The following LRBA variants were observed in gnomAD, a reference collection of about 807,000 sequenced individuals.
LRBA encodes the protein lipopolysaccharide-responsive and beige-like anchor protein.
Under a neutral mutation model 330.0 loss-of-function variants are expected in LRBA, and 176 were observed. The observed-to-expected ratio is 0.53, with a 90% CI of 0.47 to 0.60. LRBA has a LOEUF of 0.60. Ranked by LOEUF, LRBA falls within the 20% of genes least tolerant of loss-of-function variation. The pLI, the probability that LRBA is intolerant of heterozygous loss-of-function variation, is 0.00. For missense variants in LRBA, 3,259 were observed against 3,444.8 expected (o/e 0.95, Z 1.35); for synonymous variants, 1,230 against 1,193.0 (o/e 1.03, Z -0.64).
At chr4:150,835,932 T>G (rs1370030830) in intron 28 of LRBA, among the ~76,000 whole-genome samples, 3 of 152,196 alleles carry the variant, frequency 2.0e-5, no homozygotes, top group Non-Finnish European at 4.4e-5. Context: ...ATATTGGCTG[T>G]GAGTTTGTCA....
At chr4:150,391,104 T>C (rs115235283) in intron 47 of LRBA, among the ~76,000 whole-genome samples, 236 of 152,262 alleles carry the variant, frequency 1.5e-3, no homozygotes, top group African/African-American at 5.3e-3. Flanking sequence ...TGTGCCCAAC[T>C]TCCTAGTCAC....
At chr4:150,668,561 T>C (rs1411606731) in intron 37 of LRBA, among the ~76,000 whole-genome samples, 1 of 152,208 alleles carries the variant, frequency 6.6e-6, no homozygotes, top group Non-Finnish European at 1.5e-5. Flanking sequence ...TTTCAGTTCA[T>C]TTCTATCATC....
At chr4:150,900,615 T>C (rs1416476892) in intron 13 of LRBA, among the ~76,000 whole-genome samples, 1 of 152,094 alleles carries the variant, frequency 6.6e-6, no homozygotes, top group East Asian at 1.9e-4. Flanking sequence ...AATACAACAT[T>C]TGCAGAAAAT....
Position 150,787,425 on chromosome 4 carries a change from A to C in LRBA, c.5580+10656T>G, listed in dbSNP as rs79247056. ...TATAGAAATATTAATTTAAACATTAAATTTATAACAAAGGATATGATACGT... is the reference window on the plus strand; with the variant it reads ...TATAGAAATATTAATTTAAACATTACATTTATAACAAAGGATATGATACGT... On this transcript the variant is annotated intron_variant, in intron 34 of 56. Transcript: ENST00000651943. 7.7e-3 allele frequency among the ~76,000 whole-genome samples: 1,167 copies of C among 152,296 alleles called. 11 individuals are homozygous for C. The highest frequency in any genetic ancestry group is 0.027 in the African/African-American group (1,113 of 41,572).
At chr4:150,501,995 A>G (rs1397248401) in intron 40 of LRBA, among the ~76,000 whole-genome samples, 1 of 152,230 alleles carries the variant, frequency 6.6e-6, no homozygotes, top group African/African-American at 2.4e-5. Flanking sequence ...CTCCTGCAGT[A>G]GAGAAAACAG....
intron 36 of LRBA, among the ~76,000 whole-genome samples, chr4:150,728,402 C>G (rs1293721134): frequency 6.6e-6 from 1 of 151,990 alleles, no homozygotes; most frequent in Non-Finnish European, 1.5e-5. Flanking sequence ...AAAAAGAAAA[C>G]TATAGGCCAA....
intron 24 of LRBA, 72 bp downstream of exon 24, chr4:150,850,652 T>G: frequency 1.1e-6 from 1 of 896,092 alleles, no homozygotes; most frequent in Non-Finnish European, 1.6e-6. Context: ...AATTACAAAC[T>G]GTTTCTATGG....
At chr4:150,415,096 C>T (rs1415683104) in intron 47 of LRBA, among the ~76,000 whole-genome samples, 8 of 152,142 alleles carry the variant, frequency 5.3e-5, no homozygotes, top group African/African-American at 1.9e-4. Flanking sequence ...GGCCTTCTAA[C>T]CTGGAACACA....
chr4:150,359,362 A>G (rs1738336107), intron 47 of LRBA, among the ~76,000 whole-genome samples: 1 of 152,312 alleles, frequency 6.6e-6, no homozygotes, highest in Middle Eastern at 3.4e-3. Context: ...GACTACTTTC[A>G]TAGTCTAAGT....
At chr4:150,357,665 TA>T (rs781495242) in intron 47 of LRBA, among the ~76,000 whole-genome samples, 5,361 of 146,614 alleles carry the variant, frequency 0.037, 186 homozygotes, top group African/African-American at 0.084. Flanking sequence ...TTTTTTTTTT[TA>T]AAAAAAACCT....
At chr4:150,841,050 T>G in intron 28 of LRBA, 1 of 1,140,266 alleles carries the variant, frequency 8.8e-7, no homozygotes, top group South Asian at 1.5e-5. Flanking sequence ...AATGACTTCT[T>G]AGTCTGTTGG....
intron 47 of LRBA, among the ~76,000 whole-genome samples, chr4:150,351,868 C>T (rs1456195776): frequency 1.3e-5 from 2 of 152,126 alleles, no homozygotes; most frequent in African/African-American, 4.8e-5. Context: ...ATAAATTAGG[C>T]ACAGTAAGAG....
intron 40 of LRBA, among the ~76,000 whole-genome samples, chr4:150,495,449 A>G (rs184116401): frequency 2.2e-4 from 33 of 152,306 alleles, no homozygotes; most frequent in Non-Finnish European, 4.1e-4. Context: ...AATCTTACCA[A>G]AAAACTAGCC....
chr4:150,997,541 T>C (rs543514667), intron 2 of LRBA, among the ~76,000 whole-genome samples: 3 of 151,932 alleles, frequency 2.0e-5, no homozygotes, highest in African/African-American at 4.8e-5. Context: ...TAAGAACTTA[T>C]AAAGACTTAA....
At chr4:150,976,611 C>G (rs1740205729) in intron 2 of LRBA, among the ~76,000 whole-genome samples, 2 of 152,142 alleles carry the variant, frequency 1.3e-5, no homozygotes, top group Non-Finnish European at 2.9e-5. Flanking sequence ...TACAAGCCTT[C>G]ACCGATCATC....
In LRBA at chr4:150,305,263, T is replaced by C. The variant is rs549923426; in HGVS notation, c.7850-2471A>G. Among the ~76,000 whole-genome samples, 16 of 152,324 alleles carry C rather than the reference T, an allele frequency of 1.1e-4. No homozygotes were observed. The South Asian group carries it at 2.5e-3, about 24-fold the overall frequency. ...AGCTGTAAAGGTGGGATGGATTAAA[T>C]ATAGGGGCAGAGTTTTACAAGAGTC... is the stretch of plus-strand genomic sequence containing the variant. On this transcript the variant is annotated intron_variant, in intron 52 of 56. Coordinates refer to ENST00000651943, the MANE Select transcript of LRBA (RefSeq NM_001364905.1).
chr4:150,835,995 G>C (rs997296394), intron 28 of LRBA, among the ~76,000 whole-genome samples: 1 of 152,194 alleles, frequency 6.6e-6, no homozygotes, highest in African/African-American at 2.4e-5. Flanking sequence ...AATTTATACA[G>C]AGTTTTTAGC....
chr4:150,541,735 T>C (rs539327931), intron 40 of LRBA, among the ~76,000 whole-genome samples: 104 of 152,306 alleles, frequency 6.8e-4, no homozygotes, highest in South Asian at 1.2e-3. Flanking sequence ...CAGGCTGGAG[T>C]GCAGTGGATG....
intron 55 of LRBA, among the ~76,000 whole-genome samples, chr4:150,279,789 T>C (rs1456024087): frequency 6.6e-6 from 1 of 152,212 alleles, no homozygotes; most frequent in Non-Finnish European, 1.5e-5. Flanking sequence ...TCAGTATCCT[T>C]TTCCCCCACT....
Sources: allele counts gnomAD v4.1 joint callset (sites outside exome capture counted in the v4.1 genomes callset), GRCh38; gene constraint gnomAD v4.1.1; transcripts MANE v1.5; gene names NCBI Gene and HGNC (gene_info 2026-07-23, HGNC 2026-07-21).